The following ESRRG variants were observed in gnomAD, a reference collection of about 807,000 sequenced individuals.
ESRRG encodes estrogen related receptor gamma.
ESRRG carries 13 observed loss-of-function variants against 44.0 expected under a neutral mutation model. The observed-to-expected ratio is 0.30, with a 90% confidence interval of 0.19 to 0.47. The LOEUF is 0.47. Ranked by LOEUF, ESRRG falls within the 20% of genes least tolerant of loss-of-function variation. The pLI, the probability that ESRRG is intolerant of heterozygous loss-of-function variation, is 1.00. For synonymous variants in ESRRG, 215 were observed against 214.6 expected (o/e 1.00, Z -0.02); for missense variants, 395 against 580.6 (o/e 0.68, Z 3.29).
At chr1:217,065,422 A>G (rs1462102881) in intron 1 of ESRRG, among the ~76,000 whole-genome samples, 1 of 152,234 alleles carries the variant, frequency 6.6e-6, no homozygotes, top group Non-Finnish European at 1.5e-5. Flanking sequence ...GTTCTTGGAG[A>G]ATCTCCCATG....
At chr1:216,847,330 A>G (rs2095768075) in intron 2 of ESRRG, among the ~76,000 whole-genome samples, 1 of 152,200 alleles carries the variant, frequency 6.6e-6, no homozygotes, top group African/African-American at 2.4e-5. Context: ...TTTACTTAAT[A>G]AACTATATAG....
chr1:216,760,780 T>A (rs747491310), intron 2 of ESRRG, among the ~76,000 whole-genome samples: 25 of 152,192 alleles, frequency 1.6e-4, no homozygotes, highest in Non-Finnish European at 2.8e-4. Context: ...ATTTTATTAA[T>A]ATGTACTTAG....
At chr1:216,724,478 T>A (rs979053631), upstream of ESRRG, among the ~76,000 whole-genome samples, 9 of 151,930 alleles carry the variant, frequency 5.9e-5, no homozygotes, top group African/African-American at 2.2e-4. Flanking sequence ...ATTTTATATA[T>A]GATTTTACCC....
chr1:217,007,749 C>T (rs907591290), intron 1 of ESRRG, among the ~76,000 whole-genome samples: 1 of 152,130 alleles, frequency 6.6e-6, no homozygotes, highest in African/African-American at 2.4e-5. Flanking sequence ...TCCCTTCCCT[C>T]TTTTCTTCTG....
chr1:216,740,639 AAAG>A (rs1038025706), intron 2 of ESRRG, among the ~76,000 whole-genome samples: 1 of 152,032 alleles, frequency 6.6e-6, no homozygotes, highest in African/African-American at 2.4e-5. Context: ...TTAAAAAAAA[AAAG>A]AAGAAAGAAA....
chr1:216,890,396 G>A (rs1024221584), intron 2 of ESRRG, among the ~76,000 whole-genome samples: 1 of 152,146 alleles, frequency 6.6e-6, no homozygotes, highest in Non-Finnish European at 1.5e-5. Context: ...ATAGATTAAT[G>A]AGCCTAGTCA....
At chr1:216,917,253 G>T (rs74341920) in intron 2 of ESRRG, among the ~76,000 whole-genome samples, 5 of 150,870 alleles carry the variant, frequency 3.3e-5, no homozygotes, top group African/African-American at 1.2e-4. Context: ...GAACTGGAAC[G>T]AGATCATTTC....
chr1:217,097,878 G>A (rs899162873), intron 1 of ESRRG, among the ~76,000 whole-genome samples: 1 of 146,992 alleles, frequency 6.8e-6, no homozygotes, highest in Non-Finnish European at 1.5e-5. Context: ...TCAGGGATTA[G>A]TTTATGACCA....
chr1:216,955,581 C>T (rs1428308698), intron 1 of ESRRG, among the ~76,000 whole-genome samples: 2 of 152,036 alleles, frequency 1.3e-5, no homozygotes, highest in Non-Finnish European at 1.5e-5. Context: ...CTGGATCACA[C>T]AGTAGTTCTA....
chr1:216,586,639 C>T (rs1426363324), intron 3 of ESRRG, among the ~76,000 whole-genome samples: 1 of 148,658 alleles, frequency 6.7e-6, no homozygotes, highest in Non-Finnish European at 1.5e-5. Context: ...TGCAGTGGCA[C>T]CATCTCGGCT....
At chr1:216,706,757 T>C (rs962601611) in intron 1 of ESRRG, among the ~76,000 whole-genome samples, 1 of 152,200 alleles carries the variant, frequency 6.6e-6, no homozygotes, top group Non-Finnish European at 1.5e-5. Context: ...TAAACTTAAC[T>C]GATGCCAATA....
At chr1:216,846,548 C>T (rs12059344) in intron 2 of ESRRG, among the ~76,000 whole-genome samples, 5 of 151,996 alleles carry the variant, frequency 3.3e-5, no homozygotes, top group African/African-American at 7.3e-5. Flanking sequence ...AAACAGGCAC[C>T]GGACAGAATT....
intron 2 of ESRRG, among the ~76,000 whole-genome samples, chr1:216,893,084 T>C (rs1276160725): frequency 2.6e-5 from 4 of 152,166 alleles, no homozygotes; most frequent in African/African-American, 9.7e-5. Flanking sequence ...TTTTGATATG[T>C]ACCAAACTCA....
intron 1 of ESRRG, among the ~76,000 whole-genome samples, chr1:217,047,390 A>G (rs1324904197): frequency 6.6e-6 from 1 of 152,112 alleles, no homozygotes; most frequent in Non-Finnish European, 1.5e-5. Flanking sequence ...ACTGTCATCC[A>G]TCCATGAAAC....
At chr1:216,896,503 C>A (rs2149446980) in intron 2 of ESRRG, among the ~76,000 whole-genome samples, 1 of 152,160 alleles carries the variant, frequency 6.6e-6, no homozygotes. Context: ...GGGGGAGCTG[C>A]AAACTAGAGA....
chr1:217,079,634 G>A (rs191112400), intron 1 of ESRRG, among the ~76,000 whole-genome samples: 28 of 152,252 alleles, frequency 1.8e-4, no homozygotes, highest in African/African-American at 6.0e-4. Flanking sequence ...AAAAATCTCC[G>A]AACTTCTGTT....
chr1:216,814,965 T>A (rs914750090), intron 2 of ESRRG, among the ~76,000 whole-genome samples: 1 of 152,230 alleles, frequency 6.6e-6, no homozygotes, highest in South Asian at 2.1e-4. Flanking sequence ...ATTAAGTTAA[T>A]CTCTATGAGG....
intron 1 of ESRRG, among the ~76,000 whole-genome samples, chr1:217,042,473 A>ACACAC (rs2084037994): frequency 6.5e-5 from 9 of 139,072 alleles, no homozygotes; most frequent in Admixed American, 3.0e-4. Flanking sequence ...TACACACACA[A>ACACAC]ACACACACAC....
chr1:217,013,851 C>T (rs1560472517), intron 1 of ESRRG, among the ~76,000 whole-genome samples: 1 of 151,808 alleles, frequency 6.6e-6, no homozygotes, highest in Admixed American at 6.6e-5. Context: ...AAATGAGGGG[C>T]TGAAACATTA....
Sources: gnomAD v4.1 joint callset for allele counts (sites outside exome capture counted in the v4.1 genomes callset) on GRCh38, gnomAD v4.1.1 for gene constraint, MANE v1.5 for transcripts, NCBI Gene and HGNC (gene_info 2026-07-23, HGNC 2026-07-21) for gene names.